The following PLEKHG1 variants were observed in gnomAD, a reference collection of about 807,000 sequenced individuals.
The protein encoded by PLEKHG1 is pleckstrin homology domain-containing family G member 1.
PLEKHG1 carries 44 observed loss-of-function variants against 100.8 expected under a neutral mutation model. The observed-to-expected ratio is 0.44, with a 90% CI of 0.34 to 0.56. PLEKHG1 has a LOEUF of 0.56. Ranked by LOEUF, PLEKHG1 falls within the 20% of genes least tolerant of loss-of-function variation. The probability of loss-of-function intolerance (pLI) is 0.01; values close to 1 mark genes in which losing one functional copy is unlikely to be tolerated. For missense variants in PLEKHG1, 1,545 were observed against 1,720.9 expected (o/e 0.90, Z 1.81); for synonymous variants, 640 against 662.5 (o/e 0.97, Z 0.52).
intron 14 of PLEKHG1, among the ~76,000 whole-genome samples, chr6:150,829,644 A>T (rs898460921): frequency 5.9e-5 from 9 of 152,188 alleles, no homozygotes; most frequent in African/African-American, 1.9e-4. Flanking sequence ...AATAAAAATT[A>T]AAAAATTATT....
intron 3 of PLEKHG1, chr6:150,662,836 A>T (rs1284361855): frequency 6.6e-6 from 1 of 152,190 alleles, no homozygotes. Flanking sequence ...CTGTTCTACC[A>T]CTTCCTACAC....
At chr6:150,761,735 G>A (rs955427414) in intron 2 of PLEKHG1, among the ~76,000 whole-genome samples, 5 of 152,250 alleles carry the variant, frequency 3.3e-5, no homozygotes, top group Middle Eastern at 3.4e-3. Flanking sequence ...AAGTCTTTAA[G>A]GGAAAACCAA....
rs112800892 is a variant in PLEKHG1 at position 150,786,796 on chromosome 6, G to A, written c.582+337G>A. On this transcript the variant is annotated intron_variant, in intron 4 of 15. Transcript: ENST00000358517. ...TATAATCCCAGCACTTTGGGAAGCCGAGGTGAGTGGATCATCTGAGGTCAG... is the reference window on the plus strand; with the variant it reads ...TATAATCCCAGCACTTTGGGAAGCCAAGGTGAGTGGATCATCTGAGGTCAG... Among the ~76,000 whole-genome samples, 210 of 152,116 alleles carry A rather than the reference G, an allele frequency of 1.4e-3. 1 individual carries two copies. The highest frequency in any genetic ancestry group is 4.3e-3 in the African/African-American group (178 of 41,512).
chr6:150,643,060 G>T (rs372817328), intron 2 of PLEKHG1, among the ~76,000 whole-genome samples: 1 of 152,262 alleles, frequency 6.6e-6, no homozygotes, highest in South Asian at 2.1e-4. Flanking sequence ...TTAAGAGGCC[G>T]TCTTTGCTGT....
intron 3 of PLEKHG1, among the ~76,000 whole-genome samples, chr6:150,704,954 C>T (rs1780945045): frequency 6.6e-6 from 1 of 152,152 alleles, no homozygotes; most frequent in African/African-American, 2.4e-5. Context: ...GACACCAGTC[C>T]TGTTGGACTA....
At chr6:150,821,902 C>A (rs891615502) in intron 13 of PLEKHG1, among the ~76,000 whole-genome samples, 3 of 149,614 alleles carry the variant, frequency 2.0e-5, no homozygotes, top group South Asian at 4.2e-4. Context: ...AGTGCAATAG[C>A]GCGATCTCGG....
At chr6:150,624,500 A>T (rs1278035638) in intron 1 of PLEKHG1, among the ~76,000 whole-genome samples, 2 of 152,206 alleles carry the variant, frequency 1.3e-5, no homozygotes, top group African/African-American at 4.8e-5. Context: ...AAATTCAGCC[A>T]GGACGATTTT....
chr6:150,834,330 A>G (rs1183916704), intron 15 of PLEKHG1, among the ~76,000 whole-genome samples: 1 of 152,168 alleles, frequency 6.6e-6, no homozygotes, highest in Admixed American at 6.5e-5. Context: ...AGGGGAATAT[A>G]TATGGCCTTA....
intron 5 of PLEKHG1, among the ~76,000 whole-genome samples, chr6:150,798,336 T>G (rs1429280404): frequency 6.6e-6 from 1 of 152,216 alleles, no homozygotes; most frequent in Admixed American, 6.5e-5. Context: ...TGGGGAATTA[T>G]GTTTCTATAA....
At chr6:150,662,618 G>A (rs1779238187) in intron 3 of PLEKHG1, 1 of 152,150 alleles carries the variant, frequency 6.6e-6, no homozygotes, top group Non-Finnish European at 1.5e-5. Context: ...GTTTCGTCAT[G>A]TTGGCCAGGC....
intron 1 of PLEKHG1, among the ~76,000 whole-genome samples, chr6:150,616,399 G>A (rs1777074408): frequency 6.6e-6 from 1 of 152,200 alleles, no homozygotes; most frequent in African/African-American, 2.4e-5. Flanking sequence ...TAGAAGATGT[G>A]GCAGTTGGGA....
Position 150,733,988 on chromosome 6 carries a change from G to A in PLEKHG1, c.307G>A (p.Ala103Thr), listed in dbSNP as rs780053236. Reference sequence around the variant, plus strand: ...CTCAAACGGGGCACCCAAGACGATCGCAGACTCGGCCACGAGCCCCAAGCT... The same window carrying A: ...CTCAAACGGGGCACCCAAGACGATCACAGACTCGGCCACGAGCCCCAAGCT... The change falls in exon 2 of 16, where the codon GCA becomes ACA. Residue 103 changes from alanine (A) to threonine (T), a missense_variant. By Grantham distance (58) the Ala-to-Thr change is moderately conservative (BLOSUM62 0). Coordinates refer to ENST00000358517, the Ensembl canonical transcript of PLEKHG1. 3.3e-5 allele frequency: 53 copies of A among 1,614,062 alleles called. No homozygotes were observed. Among genetic ancestry groups the A allele is most frequent in the Admixed American group, 1.2e-4 (7 of 60,004 alleles).
intron 1 of PLEKHG1, among the ~76,000 whole-genome samples, chr6:150,608,148 G>A (rs1224150036): frequency 4.6e-5 from 7 of 152,164 alleles, no homozygotes; most frequent in Non-Finnish European, 8.8e-5. Context: ...TCCCAATGAA[G>A]CATTACCTTT....
chr6:150,797,183 A>G (rs1200014762), intron 5 of PLEKHG1, among the ~76,000 whole-genome samples: 1 of 152,040 alleles, frequency 6.6e-6, no homozygotes, highest in Non-Finnish European at 1.5e-5. Context: ...GGAAGAAGAG[A>G]GCTAGGGAGA....
chr6:150,707,155 C>G (rs892468471), intron 3 of PLEKHG1, among the ~76,000 whole-genome samples: 3 of 151,772 alleles, frequency 2.0e-5, no homozygotes, highest in African/African-American at 7.3e-5. Context: ...CAGGTGCGCG[C>G]CACCATGCCT....
At chr6:150,607,717 A>C (rs1451448602) in intron 1 of PLEKHG1, among the ~76,000 whole-genome samples, 1 of 152,186 alleles carries the variant, frequency 6.6e-6, no homozygotes, top group Non-Finnish European at 1.5e-5. Context: ...GTTTCCTTAC[A>C]TTATGCCTTT....
intron 10 of PLEKHG1, among the ~76,000 whole-genome samples, chr6:150,816,326 CTTTTTTTTTTTTTTTTTT>C (rs1173343082): frequency 7.8e-4 from 32 of 41,134 alleles, no homozygotes; most frequent in Admixed American, 1.8e-3. Flanking sequence ...CTCAAACATA[CTTTTTTTTTTTTTTTTTT>C]TTTTTTTTTT....
At chr6:150,616,118 TG>T (rs1174969069) in intron 1 of PLEKHG1, among the ~76,000 whole-genome samples, 2 of 152,084 alleles carry the variant, frequency 1.3e-5, no homozygotes, top group African/African-American at 4.8e-5. Flanking sequence ...GTATGCTTGG[TG>T]TTATGAGCTA....
At chr6:150,674,684 C>CTCTCTCT (rs1562427910) in intron 3 of PLEKHG1, among the ~76,000 whole-genome samples, 76 of 73,348 alleles carry the variant, frequency 1.0e-3, no homozygotes, top group South Asian at 4.9e-3. Flanking sequence ...TCTCTCTCTC[C>CTCTCTCT]CCCCTCTTCT....
Sources: gnomAD v4.1 joint callset for allele counts (sites outside exome capture counted in the v4.1 genomes callset) on GRCh38, gnomAD v4.1.1 for gene constraint, MANE v1.5 for transcripts, NCBI Gene and HGNC (gene_info 2026-07-23, HGNC 2026-07-21) for gene names.